Variants in CENPL observed in about 807,000 individuals in gnomAD.
The protein encoded by CENPL is centromere protein L, also known as interphase centromere complex protein 33.
CENPL carries 20 observed loss-of-function variants against 35.2 expected under a neutral mutation model. The ratio of observed to expected loss-of-function variants is 0.57; its 90% CI spans 0.40 to 0.83. The LOEUF is 0.83. CENPL is among the 40% of genes least tolerant of loss of function. CENPL has a pLI of 0.00. For missense variants in CENPL, 363 were observed against 395.8 expected, an observed-to-expected ratio of 0.92 and a Z score of 0.70; for synonymous variants, 140 against 140.6, an observed-to-expected ratio of 1.00 and a Z score of 0.03.
chr1:173,803,138 G>T lies in CENPL; in HGVS notation c.788C>A (p.Ala263Asp), dbSNP rs147875545. ...SFAIHPEDAK[A>D]LWDSVHKTPG... is the part of the protein sequence containing the mutation. ...TGTTTTGTGGACACTGTCCCATAGAGCTTTTGCATCCTCTGGATGTATTGC... is the reference window on the plus strand; with the variant it reads ...TGTTTTGTGGACACTGTCCCATAGATCTTTTGCATCCTCTGGATGTATTGC... The change falls in exon 5 of 6, where the codon GCT becomes GAT. Residue 263 changes from alanine (A) to aspartate (D), a missense_variant. By Grantham distance (126) the Ala-to-Asp change is moderately radical. Transcript: ENST00000682279. 2.2e-5 allele frequency: 36 copies of T among 1,613,930 alleles called. No individual in the cohort carries two copies. The highest frequency in any genetic ancestry group is 2.7e-5 in the Non-Finnish European group (32 of 1,179,946).
intron 5 of CENPL, 65 bp downstream of exon 5, chr1:173,802,898 A>C: frequency 9.4e-7 from 1 of 1,062,724 alleles, no homozygotes; most frequent in Non-Finnish European, 1.4e-6. Flanking sequence ...GGACAATACA[A>C]TCATCATACA....
At chr1:173,814,938 G>T (rs940209672) in intron 2 of CENPL, among the ~76,000 whole-genome samples, 3 of 152,120 alleles carry the variant, frequency 2.0e-5, no homozygotes, top group Admixed American at 2.0e-4. Context: ...TAGACCGTTA[G>T]CAAGACTAAT....
At position 173,803,501 on chromosome 1, in the gene CENPL, A is replaced by T; in HGVS notation, c.425T>A (p.Val142Glu). The T allele has an allele frequency of 6.4e-7, 1 of 1,560,424 alleles. No individual in the cohort carries two copies. ...RDPEAFLVQI[V>E]SKSQLPSENR... ...CTCAGATGGCAATTGAGATTTTGAC[A>T]CAATCTACAAAGAAAGTAAACAGGC... The change falls in exon 5 of 6, where the codon GTG (valine) becomes GAG (glutamate). Residue 142 changes from valine (V) to glutamate (E), a missense_variant. Coordinates refer to ENST00000682279, the MANE Select transcript of CENPL (RefSeq NM_001387287.1).
rs546335962 is a variant in CENPL, at chr1:173,802,513, G to T, written c.963+450C>A. 2.6e-5 allele frequency among the ~76,000 whole-genome samples: 4 copies of T among 152,154 alleles called. No homozygotes were observed. In the South Asian group the frequency reaches 6.2e-4, roughly 24 times the overall value. ...GAGCCACCATGCCTGGCCTATTTCTGATACTTCTTATCAGAAATCACTCTG... is the reference window on the plus strand; with the variant it reads ...GAGCCACCATGCCTGGCCTATTTCTTATACTTCTTATCAGAAATCACTCTG... On this transcript the variant is annotated intron_variant, in intron 5 of 5. Transcript: ENST00000682279.
At chr1:173,810,108 C>T (rs1650662744) in intron 3 of CENPL, among the ~76,000 whole-genome samples, 1 of 152,198 alleles carries the variant, frequency 6.6e-6, no homozygotes, top group Non-Finnish European at 1.5e-5. Flanking sequence ...ATGGAATCAA[C>T]CTAAATGCCC....
At chr1:173,808,718 T>C (rs1415737905) in intron 3 of CENPL, 2 of 151,388 alleles carry the variant, frequency 1.3e-5, no homozygotes, top group Non-Finnish European at 2.9e-5. Context: ...TTATACCATA[T>C]ACTATATATA....
intron 4 of CENPL, chr1:173,806,411 C>T (rs945915590): frequency 4.5e-6 from 2 of 442,136 alleles, no homozygotes; most frequent in Non-Finnish European, 9.0e-6. Flanking sequence ...CATGGCGAGA[C>T]CCTGTCTACA....
chr1:173,817,183 A>C (rs2102604960), intron 2 of CENPL, among the ~76,000 whole-genome samples: 1 of 152,280 alleles, frequency 6.6e-6, no homozygotes, highest in East Asian at 1.9e-4. Context: ...TACTGTCTGC[A>C]CAGCAAAAGA....
chr1:173,821,425 C>T (rs1651934907), intron 2 of CENPL, among the ~76,000 whole-genome samples: 1 of 152,026 alleles, frequency 6.6e-6, no homozygotes, highest in Non-Finnish European at 1.5e-5. Flanking sequence ...AATTTGACTC[C>T]TTAAAAGAGA....
chr1:173,819,996 C>T (rs1215396687), intron 2 of CENPL, among the ~76,000 whole-genome samples: 4 of 152,126 alleles, frequency 2.6e-5, no homozygotes, highest in Non-Finnish European at 4.4e-5. Flanking sequence ...AGCCACCGCA[C>T]TCGGCCCATA....
At chr1:173,807,217 A>G (rs1343039848) in intron 4 of CENPL, 50 bp downstream of exon 4, 1 of 1,423,174 alleles carries the variant, frequency 7.0e-7, no homozygotes, top group Admixed American at 2.3e-5. Context: ...TTAGTCAAAC[A>G]AGACATAATA....
At chr1:173,819,514 G>A (rs554271568) in intron 2 of CENPL, among the ~76,000 whole-genome samples, 34 of 151,664 alleles carry the variant, frequency 2.2e-4, no homozygotes, top group African/African-American at 1.7e-4. Context: ...GCTTGAACCC[G>A]GGAGGTGGAG....
intron 2 of CENPL, among the ~76,000 whole-genome samples, chr1:173,816,894 C>T (rs550717780): frequency 4.4e-4 from 67 of 152,296 alleles, no homozygotes; most frequent in Non-Finnish European, 7.4e-4. Flanking sequence ...AATCTCAGCA[C>T]TTTGGGATGC....
intron 2 of CENPL, among the ~76,000 whole-genome samples, chr1:173,818,552 A>C (rs1557849087): frequency 1.3e-5 from 2 of 152,132 alleles, no homozygotes; most frequent in East Asian, 3.9e-4. Flanking sequence ...GTCCTGAAAT[A>C]CCTATGGCAT....
chr1:173,818,251 C>A lies in CENPL; in HGVS notation c.-8+5675G>T, dbSNP rs181499630. Among the ~76,000 whole-genome samples the A allele has an allele frequency of 2.0e-5, 3 of 152,278 alleles. No homozygotes were observed. In the East Asian group the frequency reaches 5.8e-4, roughly 29 times the overall value. On this transcript the variant is annotated intron_variant, in intron 2 of 5. Transcript: ENST00000682279. Reference sequence around the variant, plus strand: ...AGCCACAACTAAGAGTTCTCCGTATCCAGAGTAATCCATTCTTCCAAAAAT... The same window carrying A: ...AGCCACAACTAAGAGTTCTCCGTATACAGAGTAATCCATTCTTCCAAAAAT...
chr1:173,804,522 G>A (rs764081634), intron 4 of CENPL, among the ~76,000 whole-genome samples: 2 of 152,156 alleles, frequency 1.3e-5, no homozygotes, highest in African/African-American at 4.8e-5. Flanking sequence ...AGGTCTCATT[G>A]CAAGACTAAC....
intron 5 of CENPL, among the ~76,000 whole-genome samples, chr1:173,801,546 C>T (rs1273477596): frequency 6.6e-6 from 1 of 150,964 alleles, no homozygotes; most frequent in African/African-American, 2.4e-5. Flanking sequence ...ACTAGCCAGG[C>T]ATGGTGGCTC....
intron 2 of CENPL, chr1:173,822,765 T>A (rs1652083087): frequency 6.6e-6 from 1 of 152,134 alleles, no homozygotes; most frequent in Admixed American, 6.5e-5. Context: ...GAAGACAGAG[T>A]CTCACTCTGT....
chr1:173,805,822 G>A (rs147021888), intron 4 of CENPL, among the ~76,000 whole-genome samples: 76 of 151,230 alleles, frequency 5.0e-4, no homozygotes, highest in African/African-American at 1.7e-3. Context: ...TACCAGCCTC[G>A]GACAGCTTAC....
Sources: allele counts gnomAD v4.1 joint callset (sites outside exome capture counted in the v4.1 genomes callset), GRCh38; gene constraint gnomAD v4.1.1; transcripts MANE v1.5; gene names NCBI Gene and HGNC (gene_info 2026-07-23, HGNC 2026-07-21).